The following GRIK4 variants were observed in gnomAD, a reference collection of about 807,000 sequenced individuals.
The protein encoded by GRIK4 is glutamate receptor ionotropic, kainate 4.
Under a neutral mutation model 104.9 loss-of-function variants are expected in GRIK4, and 40 were observed. The observed-to-expected ratio is 0.38, with a 90% CI of 0.30 to 0.50. The LOEUF (loss-of-function observed/expected upper bound fraction) is 0.50, where lower values mean the gene tolerates loss of function less well. GRIK4 is among the 20% of genes least tolerant of loss of function. The probability of loss-of-function intolerance (pLI) is 0.93; values close to 1 mark genes in which losing one functional copy is unlikely to be tolerated. For missense variants in GRIK4, 1,047 were observed against 1,308.1 expected (o/e 0.80, Z 3.08); for synonymous variants, 485 against 524.9 (o/e 0.92, Z 1.04).
intron 3 of GRIK4, among the ~76,000 whole-genome samples, chr11:120,677,758 T>G (rs906957626): frequency 3.3e-5 from 5 of 152,170 alleles, no homozygotes; most frequent in African/African-American, 1.2e-4. Flanking sequence ...TCCTTTTCCC[T>G]GTTTGATATT....
rs192218103 is a variant in GRIK4 at position 120,806,866 on chromosome 11, G to A, written c.247+4009G>A. Among the ~76,000 whole-genome samples the A allele has an allele frequency of 2.5e-4, 38 of 152,264 alleles. No individual in the cohort carries two copies. In the East Asian group the frequency reaches 5.6e-3, roughly 22 times the overall value. On this transcript the variant is annotated intron_variant, in intron 4 of 20. Transcript: ENST00000527524. ...GGCTCTGAGATGGAAAGTATCACAC[G>A]GGGCATTAATTAATAGCCAGCCTGG...
intron 1 of GRIK4, among the ~76,000 whole-genome samples, chr11:120,640,523 A>T (rs1024564216): frequency 1.7e-4 from 26 of 151,336 alleles, no homozygotes; most frequent in Admixed American, 7.2e-4. Flanking sequence ...CTATTAATTT[A>T]AAAAAAAATA....
chr11:120,607,450 C>T (rs898639008), intron 1 of GRIK4, among the ~76,000 whole-genome samples: 1 of 152,116 alleles, frequency 6.6e-6, no homozygotes, highest in Non-Finnish European at 1.5e-5. Context: ...GGGCAGGGCC[C>T]TGTGGGCATC....
At chr11:120,678,878 A>G (rs1950145577) in intron 3 of GRIK4, among the ~76,000 whole-genome samples, 2 of 151,252 alleles carry the variant, frequency 1.3e-5, no homozygotes, top group Admixed American at 1.3e-4. Context: ...TGTGATCCAC[A>G]TGCCTCGGCC....
At chr11:120,691,959 G>A (rs934324331) in intron 3 of GRIK4, among the ~76,000 whole-genome samples, 4 of 152,202 alleles carry the variant, frequency 2.6e-5, no homozygotes, top group East Asian at 1.9e-4. Context: ...CCTTTGCTGC[G>A]CCTGATTAGG....
At chr11:120,635,394 G>A (rs1010599544) in intron 1 of GRIK4, among the ~76,000 whole-genome samples, 17 of 152,344 alleles carry the variant, frequency 1.1e-4, no homozygotes, top group African/African-American at 1.7e-4. Flanking sequence ...CCTGCGTGCC[G>A]CAGTCACCCA....
At chr11:120,644,688 A>G (rs1949518688) in intron 1 of GRIK4, among the ~76,000 whole-genome samples, 1 of 152,204 alleles carries the variant, frequency 6.6e-6, no homozygotes, top group Non-Finnish European at 1.5e-5. Flanking sequence ...TGCTCAGGTC[A>G]CCGGTGAACC....
chr11:120,732,793 A>G (rs1190159752), intron 3 of GRIK4, among the ~76,000 whole-genome samples: 1 of 152,184 alleles, frequency 6.6e-6, no homozygotes, highest in African/African-American at 2.4e-5. Context: ...ACGTGCTGAG[A>G]AGAAGAATGT....
chr11:120,644,314 C>T (rs1392476808), intron 1 of GRIK4, among the ~76,000 whole-genome samples: 1 of 151,794 alleles, frequency 6.6e-6, no homozygotes, highest in Non-Finnish European at 1.5e-5. Flanking sequence ...TGTTTGCTTC[C>T]AGGCAACGGG....
chr11:120,637,302 C>G (rs1224140210), intron 1 of GRIK4, among the ~76,000 whole-genome samples: 2 of 152,248 alleles, frequency 1.3e-5, no homozygotes, highest in East Asian at 3.9e-4. Flanking sequence ...GAAGCAGGAA[C>G]ATGAGCCTGT....
At chr11:120,695,434 C>G (rs902417199) in intron 3 of GRIK4, among the ~76,000 whole-genome samples, 2 of 152,210 alleles carry the variant, frequency 1.3e-5, no homozygotes, top group Non-Finnish European at 2.9e-5. Context: ...TCATGCAGGC[C>G]CCTGTGAGAA....
At chr11:120,643,074 G>A (rs1949490237) in intron 1 of GRIK4, among the ~76,000 whole-genome samples, 1 of 152,000 alleles carries the variant, frequency 6.6e-6, no homozygotes, top group African/African-American at 2.4e-5. Flanking sequence ...GGCAGGCATT[G>A]TTCTAGGTGT....
chr11:120,779,271 C>T (rs368699529), intron 3 of GRIK4, among the ~76,000 whole-genome samples: 1 of 152,254 alleles, frequency 6.6e-6, no homozygotes, highest in East Asian at 1.9e-4. Context: ...GAGAAGCCTC[C>T]ATATCATGTC....
intron 3 of GRIK4, among the ~76,000 whole-genome samples, chr11:120,695,835 G>A (rs1950439623): frequency 2.0e-5 from 3 of 152,220 alleles, no homozygotes; most frequent in Non-Finnish European, 4.4e-5. Context: ...GGGCAGCCAA[G>A]GACCCAACTG....
In GRIK4 at chr11:120,952,824, C is replaced by G. The variant is rs775666010; in HGVS notation, c.1591-31C>G. On this transcript the variant is annotated intron_variant, in intron 14 of 20. Transcript: ENST00000527524. The surrounding 1 kb of genome is among the most constrained non-coding windows in gnomAD (Gnocchi z 5.2). ...CAAGGTCATGTTGACTGAATATGTG[C>G]GGTGAATCTTGTTTTTCTCTCCATT... The G allele has an allele frequency of 6.9e-7, 1 of 1,441,230 alleles. No homozygotes were observed. Among genetic ancestry groups the G allele is most frequent in the Non-Finnish European group, 9.8e-7 (1 of 1,021,604 alleles). The allele number at this position is 1,441,230 out of a possible 1,614,324, so 89.3% of individuals were successfully genotyped here.
intron 1 of GRIK4, among the ~76,000 whole-genome samples, chr11:120,619,667 T>C (rs2135161906): frequency 6.6e-6 from 1 of 152,172 alleles, no homozygotes; most frequent in Non-Finnish European, 1.5e-5. Context: ...TCCCATGAGA[T>C]CTGGTTGTTT....
chr11:120,728,773 C>CT (rs998804184), intron 3 of GRIK4, among the ~76,000 whole-genome samples: 5 of 152,210 alleles, frequency 3.3e-5, no homozygotes, highest in Admixed American at 1.3e-4. Context: ...CAATTAAACT[C>CT]TTTTAGTTAT....
intron 2 of GRIK4, among the ~76,000 whole-genome samples, chr11:120,654,242 G>A (rs1428853616): frequency 3.3e-5 from 5 of 152,194 alleles, no homozygotes; most frequent in Non-Finnish European, 5.9e-5. Flanking sequence ...TTTTTGTTGC[G>A]TGAGCTTGGA....
chr11:120,926,823 C>G (rs936027217), intron 13 of GRIK4, among the ~76,000 whole-genome samples: 2 of 152,170 alleles, frequency 1.3e-5, no homozygotes, highest in Non-Finnish European at 2.9e-5. Flanking sequence ...GCACTCTAGA[C>G]AATCAACAGG....
Sources: allele counts gnomAD v4.1 joint callset (sites outside exome capture counted in the v4.1 genomes callset), GRCh38; gene constraint gnomAD v4.1.1; non-coding constraint Gnocchi (gnomAD v3.1); transcripts MANE v1.5; gene names NCBI Gene and HGNC (gene_info 2026-07-23, HGNC 2026-07-21).